The following ZNF718 variants were observed in gnomAD, a reference collection of about 807,000 sequenced individuals.
ZNF718 encodes zinc finger protein 718.
Under a neutral mutation model 2.6 loss-of-function variants are expected in ZNF718, and 3 were observed. The observed-to-expected ratio is 1.16, with a 90% CI of 0.53 to 3.01. The LOEUF is 3.01. Among genes scored for constraint, ZNF718 ranks in the 30% most tolerant of loss-of-function variants. The pLI, the probability that ZNF718 is intolerant of heterozygous loss-of-function variation, is 0.03. For missense variants in ZNF718, 468 were observed against 230.0 expected (o/e 2.03, Z -6.69); for synonymous variants, 135 against 77.9 (o/e 1.73, Z -3.86).
chr4:167,003 A>G (rs1717103649), downstream of ZNF718, among the ~76,000 whole-genome samples: 1 of 152,120 alleles, frequency 6.6e-6, no homozygotes, highest in African/African-American at 2.4e-5. Flanking sequence ...TTAAGTCTTT[A>G]ATCCATCGGG....
intron 3 of ZNF718, among the ~76,000 whole-genome samples, chr4:193,459 C>G (rs181132511): frequency 2.0e-5 from 3 of 152,152 alleles, no homozygotes; most frequent in African/African-American, 7.2e-5. Context: ...ACCCTTTTTC[C>G]TTCTCCTAAT....
chr4:166,409 C>T (rs1453394340), downstream of ZNF718, among the ~76,000 whole-genome samples: 2 of 152,132 alleles, frequency 1.3e-5, no homozygotes, highest in East Asian at 3.9e-4. Context: ...GTTCAAGATC[C>T]CTGAGGAATC....
At chr4:130,502 C>G (rs1715322851) in intron 1 of ZNF718, among the ~76,000 whole-genome samples, 1 of 102,954 alleles carries the variant, frequency 9.7e-6, no homozygotes, top group African/African-American at 3.4e-5. Flanking sequence ...AATCCCAGCA[C>G]TTTGGGAAGC....
intron 3 of ZNF718, among the ~76,000 whole-genome samples, chr4:194,353 T>C (rs56030644): frequency 0.055 from 8,376 of 152,264 alleles, 635 homozygotes; most frequent in African/African-American, 0.17. Context: ...ATTGAATAAT[T>C]TATAGACTTC....
At chr4:135,633 G>T (rs936189255) in intron 3 of ZNF718, among the ~76,000 whole-genome samples, 1 of 145,454 alleles carries the variant, frequency 6.9e-6, no homozygotes, top group African/African-American at 2.5e-5. Context: ...TGATTTTGGG[G>T]GCCCCAAGAG....
chr4:132,519 C>G lies in ZNF718; in HGVS notation c.226+1014C>G. On this transcript the variant is annotated intron_variant, in intron 3 of 3. Coordinates refer to ENST00000510175, the MANE Select transcript of ZNF718 (RefSeq NM_001039127.6). ...TTTTTTTCAAATATTGTCTTTGCAT[C>G]ATGTCTAAAATGTGTACGGTGACTA... Among the ~76,000 whole-genome samples, 2 of 102,778 alleles carry G rather than the reference C, an allele frequency of 1.9e-5. 1 individual carries two copies. The allele number at this position is 102,778 out of a possible 152,430, so 67.4% of individuals were successfully genotyped here.
chr4:149,702 A>G (rs916111270), intron 3 of ZNF718: 3 of 152,100 alleles, frequency 2.0e-5, no homozygotes, highest in East Asian at 3.8e-4. Flanking sequence ...ATTATAAATT[A>G]TTTATTTTCT....
At chr4:138,135 A>G (rs1715654157) in intron 3 of ZNF718, among the ~76,000 whole-genome samples, 1 of 152,228 alleles carries the variant, frequency 6.6e-6, no homozygotes, top group African/African-American at 2.4e-5. Context: ...TCTTTGTTTT[A>G]CAGACAACCT....
rs1240445681 is a variant in ZNF718 at position 161,824 on chromosome 4, C to G, written c.1139C>G (p.Ser380Ter). The G allele has an allele frequency of 2.6e-6, 2 of 780,744 alleles. No individual in the cohort carries two copies. Among genetic ancestry groups the G allele is most frequent in the Non-Finnish European group, 4.8e-6 (2 of 418,052 alleles). The allele number at this position is 780,744 out of a possible 1,614,324, so 48.4% of individuals were successfully genotyped here. Residue 380 changes from serine to a stop codon, truncating the protein, a stop_gained, in exon 4 of 4, where the codon TCA becomes TGA. Coordinates refer to ENST00000510175, the MANE Select transcript of ZNF718 (RefSeq NM_001039127.6). LOFTEE classifies it low-confidence loss of function (END_TRUNC). ...TGTGGAAAAGCCTTTAATTGGTCCT[C>G]AACCCTTAATGTACACAAGAGAATT... ...EECGKAFNWS[S>*]TLNVHKRIHS... is the part of the protein sequence containing the mutation.
intron 3 of ZNF718, among the ~76,000 whole-genome samples, chr4:148,124 G>A (rs73793530): frequency 2.0e-5 from 3 of 152,238 alleles, no homozygotes; most frequent in Admixed American, 6.5e-5. Flanking sequence ...ATTTCTGGGC[G>A]GGCAGGACTG....
intron 3 of ZNF718, among the ~76,000 whole-genome samples, chr4:190,264 A>C (rs1193706924): frequency 6.6e-6 from 1 of 151,938 alleles, no homozygotes; most frequent in African/African-American, 2.4e-5. Context: ...CCCCGCCTGT[A>C]CTAAAAATAC....
At chr4:124,719 G>C (rs1270413785) in intron 1 of ZNF718, 46 bp downstream of exon 1, 2 of 1,604,162 alleles carry the variant, frequency 1.2e-6, no homozygotes, top group African/African-American at 2.7e-5. Context: ...AGGCCTCATC[G>C]GAACCGGCGG....
At chr4:177,417 A>AT (rs1405307697) in intron 3 of ZNF718, among the ~76,000 whole-genome samples, 2 of 152,090 alleles carry the variant, frequency 1.3e-5, no homozygotes, top group Non-Finnish European at 2.9e-5. Flanking sequence ...CATGTGAGAG[A>AT]TTTTATACAC....
chr4:156,516 TTAAA>T (rs1716574839), intron 3 of ZNF718, among the ~76,000 whole-genome samples: 1 of 152,162 alleles, frequency 6.6e-6, no homozygotes, highest in Non-Finnish European at 1.5e-5. Flanking sequence ...CTTTACAATC[TTAAA>T]TATTTTTAAT....
chr4:161,673 AAG>A lies in ZNF718; in HGVS notation c.992_993del (p.Arg331AsnfsTer11), dbSNP rs782804694. On this transcript the variant is annotated frameshift_variant, in exon 4 of 4. Coordinates refer to ENST00000510175, the MANE Select transcript of ZNF718 (RefSeq NM_001039127.6). LOFTEE classifies it low-confidence loss of function (END_TRUNC). ...CACATCCTCAGACTTTGCTAAACAT[AAG>A]AGAATTCATACAGGAGAGAAACCCT... is the stretch of plus-strand genomic sequence containing the variant. ...FTTSSDFAKHKRIHTGEKPYK... is the reference protein window; with the variant it reads ...FTTSSDFAKHXRIHTGEKPYK... 1 of 779,486 alleles carries A rather than the reference AAG, an allele frequency of 1.3e-6. No individual in the cohort carries two copies. Among genetic ancestry groups the A allele is most frequent in the African/African-American group, 1.7e-5 (1 of 59,248 alleles). 48.3% of individuals were successfully genotyped at this position (779,486 alleles called of 1,614,324 possible). A position where few individuals can be genotyped will look rare whatever the true frequency, so the allele number is the denominator to read the frequency against.
At chr4:158,468 G>T (rs367604018) in intron 3 of ZNF718, among the ~76,000 whole-genome samples, 3 of 136,820 alleles carry the variant, frequency 2.2e-5, no homozygotes, top group Non-Finnish European at 4.8e-5. Flanking sequence ...GTGTCTTTTT[G>T]ATTTTTGTAT....
intron 3 of ZNF718, among the ~76,000 whole-genome samples, chr4:135,864 G>A (rs1715548742): frequency 6.6e-6 from 1 of 151,802 alleles, no homozygotes; most frequent in Admixed American, 6.6e-5. Context: ...TGTTAAGATA[G>A]AAGCTGTGGC....
intron 3 of ZNF718, among the ~76,000 whole-genome samples, chr4:152,042 G>A (rs1407459867): frequency 6.8e-6 from 1 of 147,212 alleles, no homozygotes; most frequent in African/African-American, 2.5e-5. Context: ...AAAGGATTAA[G>A]TGCTGTGCTT....
rs782595460 is a variant in ZNF718, at chr4:124,639, C to G, written c.-32C>G. The stretch of plus-strand genomic sequence containing the variant: ...CCTGCCGGTATTGGATGATTCGTAT[C>G]TAAGACTCTGGGACACTCCTGAAGT... On this transcript the variant is annotated 5_prime_UTR_variant, in exon 1 of 4. The change creates a new upstream start codon in the 5' untranslated region. Coordinates refer to ENST00000510175, the MANE Select transcript of ZNF718 (RefSeq NM_001039127.6). 1 of 1,606,854 alleles carries G rather than the reference C, an allele frequency of 6.2e-7. No homozygotes were observed. The highest frequency in any genetic ancestry group is 8.5e-7 in the Non-Finnish European group (1 of 1,179,542).
Sources: gnomAD v4.1 joint callset for allele counts (sites outside exome capture counted in the v4.1 genomes callset) on GRCh38, gnomAD v4.1.1 for gene constraint, MANE v1.5 for transcripts, NCBI Gene and HGNC (gene_info 2026-07-23, HGNC 2026-07-21) for gene names.